Variants in GRID2 observed in about 807,000 individuals in gnomAD.
GRID2 encodes glutamate receptor ionotropic, delta-2.
GRID2 carries 33 observed loss-of-function variants against 114.8 expected under a neutral mutation model. The ratio of observed to expected loss-of-function variants is 0.29; its 90% confidence interval spans 0.22 to 0.38. GRID2 has a LOEUF of 0.38. Among genes scored for constraint, GRID2 ranks in the 10% least tolerant of loss-of-function variants. The probability of loss-of-function intolerance (pLI) is 1.00; values close to 1 mark genes in which losing one functional copy is unlikely to be tolerated. For synonymous variants in GRID2, 505 were observed against 449.9 expected, an observed-to-expected ratio of 1.12 and a Z score of -1.55; for missense variants, 1,184 against 1,257.7, an observed-to-expected ratio of 0.94 and a Z score of 0.89.
At chr4:92,898,812 G>C (rs1747358186) in intron 2 of GRID2, among the ~76,000 whole-genome samples, 1 of 151,944 alleles carries the variant, frequency 6.6e-6, no homozygotes, top group Non-Finnish European at 1.5e-5. Flanking sequence ...GGTTTCAATG[G>C]GAAATGTGCA....
At chr4:92,980,410 C>A (rs1049130923) in intron 2 of GRID2, among the ~76,000 whole-genome samples, 37 of 152,042 alleles carry the variant, frequency 2.4e-4, no homozygotes, top group African/African-American at 8.7e-4. Context: ...TCATATAGAT[C>A]ACATTTCACC....
intron 2 of GRID2, among the ~76,000 whole-genome samples, chr4:92,980,213 T>A (rs907021516): frequency 6.6e-6 from 1 of 152,106 alleles, no homozygotes; most frequent in Non-Finnish European, 1.5e-5. Flanking sequence ...CTTGATTTGT[T>A]TAGATAGGGT....
At chr4:93,466,437 G>A (rs753938779) in intron 11 of GRID2, among the ~76,000 whole-genome samples, 3 of 152,194 alleles carry the variant, frequency 2.0e-5, no homozygotes, top group Non-Finnish European at 4.4e-5. Flanking sequence ...TGCCCCTGTA[G>A]AGCAGGGCTA....
chr4:92,919,654 G>T (rs1012185017), intron 2 of GRID2, among the ~76,000 whole-genome samples: 1 of 152,168 alleles, frequency 6.6e-6, no homozygotes, highest in Non-Finnish European at 1.5e-5. Context: ...CCATGTAGTT[G>T]AGCGGTTTTG....
At chr4:93,502,707 TCCCC>T (rs142078875) in intron 12 of GRID2, among the ~76,000 whole-genome samples, 3 of 103,940 alleles carry the variant, frequency 2.9e-5, no homozygotes, top group Middle Eastern at 4.5e-3. Flanking sequence ...TCTCCTCCAC[TCCCC>T]CCCCCCACAC....
At chr4:93,144,808 G>A (rs1212367745) in intron 4 of GRID2, among the ~76,000 whole-genome samples, 2 of 152,180 alleles carry the variant, frequency 1.3e-5, no homozygotes, top group East Asian at 3.9e-4. Flanking sequence ...TGTGCTTTGT[G>A]CCCAATAAAA....
Position 93,753,570 on chromosome 4 carries a change from A to G in GRID2, c.2361-15640A>G, listed in dbSNP as rs1019438514. Among the ~76,000 whole-genome samples, 12 of 151,762 alleles carry G rather than the reference A, an allele frequency of 7.9e-5. No homozygotes were observed. In the East Asian group the frequency reaches 2.3e-3, roughly 29 times the overall value. On this transcript the variant is annotated intron_variant, in intron 14 of 15. Coordinates refer to ENST00000282020, the MANE Select transcript of GRID2 (RefSeq NM_001510.4). ...CAAGTGTTTTCATTGTTCAGTTCCC[A>G]CCTATGAGTGAGAACATGCGGTGTT...
intron 1 of GRID2, among the ~76,000 whole-genome samples, chr4:92,365,153 C>A (rs1490313987): frequency 6.6e-6 from 1 of 152,038 alleles, no homozygotes; most frequent in African/African-American, 2.4e-5. Context: ...CATACCAAAT[C>A]AGTATGTTGA....
intron 2 of GRID2, among the ~76,000 whole-genome samples, chr4:92,592,980 T>C (rs555300346): frequency 6.6e-6 from 1 of 152,174 alleles, no homozygotes; most frequent in South Asian, 2.1e-4. Context: ...CAACTTTCTC[T>C]CACATGTTTA....
intron 2 of GRID2, among the ~76,000 whole-genome samples, chr4:92,762,350 T>C (rs1462604890): frequency 6.6e-6 from 1 of 152,106 alleles, no homozygotes; most frequent in Non-Finnish European, 1.5e-5. Context: ...TTCTTCCAAG[T>C]AGACTAAGCT....
chr4:92,919,602 G>A (rs1254582863), intron 2 of GRID2, among the ~76,000 whole-genome samples: 4 of 152,044 alleles, frequency 2.6e-5, no homozygotes, highest in East Asian at 1.9e-4. Flanking sequence ...CCTTCATTTT[G>A]TTATGTACCC....
intron 2 of GRID2, among the ~76,000 whole-genome samples, chr4:93,053,451 C>A (rs973059375): frequency 1.7e-4 from 26 of 151,952 alleles, no homozygotes; most frequent in Middle Eastern, 3.4e-3. Context: ...AGGCTGTGGT[C>A]ACCAACAGTT....
At chr4:92,544,744 T>C (rs1407397127) in intron 1 of GRID2, among the ~76,000 whole-genome samples, 3 of 152,170 alleles carry the variant, frequency 2.0e-5, no homozygotes, top group Non-Finnish European at 4.4e-5. Flanking sequence ...TAACTTTCAG[T>C]AACCAATATT....
At chr4:92,943,243 A>G (rs1420703540) in intron 2 of GRID2, among the ~76,000 whole-genome samples, 3 of 152,056 alleles carry the variant, frequency 2.0e-5, no homozygotes, top group African/African-American at 4.8e-5. Context: ...ACATAGGCCC[A>G]TATTTCTTGG....
intron 10 of GRID2, among the ~76,000 whole-genome samples, chr4:93,450,953 T>C (rs1722632286): frequency 6.6e-6 from 1 of 151,980 alleles, no homozygotes; most frequent in Admixed American, 6.6e-5. Context: ...TTATCATTGC[T>C]ATAAAACAGT....
intron 8 of GRID2, among the ~76,000 whole-genome samples, chr4:93,264,618 C>T (rs933619439): frequency 6.6e-6 from 1 of 150,380 alleles, no homozygotes; most frequent in Non-Finnish European, 1.5e-5. Flanking sequence ...CCTACAATTT[C>T]TCTTCTCCTG....
intron 2 of GRID2, among the ~76,000 whole-genome samples, chr4:92,798,160 G>A (rs1477607618): frequency 2.6e-5 from 4 of 151,886 alleles, no homozygotes; most frequent in Admixed American, 6.6e-5. Flanking sequence ...ATTTTAAGAA[G>A]CGGATATTTC....
intron 14 of GRID2, among the ~76,000 whole-genome samples, chr4:93,632,261 T>C (rs1720979157): frequency 6.6e-6 from 1 of 152,220 alleles, no homozygotes; most frequent in Non-Finnish European, 1.5e-5. Context: ...TTGCCATTGC[T>C]TTTGGTGTTT....
intron 1 of GRID2, among the ~76,000 whole-genome samples, chr4:92,370,431 C>A (rs565313308): frequency 1.0e-3 from 159 of 152,102 alleles, no homozygotes; most frequent in African/African-American, 3.6e-3. Context: ...GCGGGCGGAT[C>A]ACGAGGTCAG....
Sources: gnomAD v4.1 joint callset for allele counts (sites outside exome capture counted in the v4.1 genomes callset) on GRCh38, gnomAD v4.1.1 for gene constraint, MANE v1.5 for transcripts, NCBI Gene and HGNC (gene_info 2026-07-23, HGNC 2026-07-21) for gene names.